Variants in LARP1B observed in about 807,000 individuals in gnomAD.
The protein encoded by LARP1B is La ribonucleoprotein 1B, also known as la-related protein 1B.
LARP1B carries 76 observed loss-of-function variants against 114.2 expected under a neutral mutation model. The ratio of observed to expected loss-of-function variants is 0.67; its 90% CI spans 0.55 to 0.81. The LOEUF is 0.81. Among genes scored for constraint, LARP1B ranks in the 30% least tolerant of loss-of-function variants. LARP1B has a pLI of 0.00. For synonymous variants in LARP1B, 345 were observed against 348.0 expected (o/e 0.99, Z 0.10); for missense variants, 1,014 against 1,075.8 (o/e 0.94, Z 0.80).
intron 11 of LARP1B, among the ~76,000 whole-genome samples, chr4:128,150,181 G>C (rs957417234): frequency 1.3e-5 from 2 of 151,812 alleles, no homozygotes; most frequent in South Asian, 4.2e-4. Context: ...CAACAAAAAA[G>C]GTGTGGTTAT....
rs377102754 is a variant in LARP1B, at chr4:128,122,438, G to GTTTTTTTTTTTTTTTTTTTTTTTTT, written c.1524+265_1524+266insTTTTTTTTTTTTTTTTTTTTTTTTT. On this transcript the variant is annotated intron_variant, in intron 11 of 19. Transcript: ENST00000326639. Reference sequence around the variant, plus strand: ...TTAGTACTCACTGACTTATACCCTTGTTTTTTTTTTTTTTTGTTTTGTTTT... The same window carrying GTTTTTTTTTTTTTTTTTTTTTTTTT: ...TTAGTACTCACTGACTTATACCCTTGTTTTTTTTTTTTTTTTTTTTTTTTTTTTTTTTTTTTTTTTGTTTTGTTTT... 3.4e-6 allele frequency: 4 copies of GTTTTTTTTTTTTTTTTTTTTTTTTT among 1,189,636 alleles called. No individual in the cohort carries two copies. In the African/African-American group the frequency reaches 5.7e-5, roughly 17 times the overall value. The allele number at this position is 1,189,636 out of a possible 1,614,324, so 73.7% of individuals were successfully genotyped here.
rs559312234 is a variant in LARP1B, at chr4:128,129,164, C to CAAAAAAAAAAAAAAAAA, written c.1524+7000_1524+7016dup. Reference sequence around the variant, plus strand: ...TGGGCGACAGAGCGAGACTCTGTCTCAAAAAAAAAAAAAAAAAAAAAAAAA... The same window carrying CAAAAAAAAAAAAAAAAA: ...TGGGCGACAGAGCGAGACTCTGTCTCAAAAAAAAAAAAAAAAAAAAAAAAAAAAAAAAAAAAAAAAAA... On this transcript the variant is annotated intron_variant, in intron 11 of 19. Coordinates refer to ENST00000326639, the MANE Select transcript of LARP1B (RefSeq NM_018078.4). Among the ~76,000 whole-genome samples the CAAAAAAAAAAAAAAAAA allele has an allele frequency of 6.1e-5, 3 of 49,142 alleles. 1 individual carries two copies. The highest frequency in any genetic ancestry group is 2.9e-4 in the African/African-American group (3 of 10,316). 32.2% of individuals were successfully genotyped at this position (49,142 alleles called of 152,430 possible). A position where few individuals can be genotyped will look rare whatever the true frequency, so the allele number is the denominator to read the frequency against.
At chr4:128,096,098 A>G (rs940216471) in intron 7 of LARP1B, among the ~76,000 whole-genome samples, 1 of 147,708 alleles carries the variant, frequency 6.8e-6, no homozygotes, top group Non-Finnish European at 1.5e-5. Flanking sequence ...GGTTCACACC[A>G]TTCTCCTGCC....
At chr4:128,196,292 G>T (rs1368241689) in intron 15 of LARP1B, among the ~76,000 whole-genome samples, 1 of 148,454 alleles carries the variant, frequency 6.7e-6, no homozygotes, top group Non-Finnish European at 1.5e-5. Context: ...AAAAGAAAAG[G>T]GAAAAAAAAA....
intron 9 of LARP1B, among the ~76,000 whole-genome samples, chr4:128,110,301 A>G (rs186403748): frequency 6.6e-6 from 1 of 152,020 alleles, no homozygotes; most frequent in Non-Finnish European, 1.5e-5. Context: ...TTTTGTTTCT[A>G]AGTAGTTTAA....
intron 8 of LARP1B, among the ~76,000 whole-genome samples, chr4:128,105,015 T>C (rs577151928): frequency 5.3e-5 from 8 of 152,276 alleles, no homozygotes; most frequent in African/African-American, 1.9e-4. Flanking sequence ...TAGCAGTCTT[T>C]TTCCACAACT....
At chr4:128,089,804 T>G (rs1409536662) in intron 5 of LARP1B, among the ~76,000 whole-genome samples, 4 of 152,014 alleles carry the variant, frequency 2.6e-5, no homozygotes, top group Admixed American at 2.6e-4. Context: ...CGGAGTCTTG[T>G]TCTATGCCCA....
At chr4:128,112,481 T>TC (rs1784460341) in intron 9 of LARP1B, among the ~76,000 whole-genome samples, 1 of 140,770 alleles carries the variant, frequency 7.1e-6, no homozygotes, top group East Asian at 2.0e-4. Flanking sequence ...TTTTTTTTTT[T>TC]TTTTTTTTTT....
intron 1 of LARP1B, among the ~76,000 whole-genome samples, chr4:128,065,330 T>TC (rs1553982927): frequency 0.049 from 4,892 of 99,166 alleles, 357 homozygotes; most frequent in South Asian, 0.13. Flanking sequence ...TCTCTCTCTC[T>TC]CTTTCCTTTC....
In LARP1B at chr4:128,124,725, C is replaced by T. The variant is rs573483473; in HGVS notation, c.1524+2537C>T. On this transcript the variant is annotated intron_variant, in intron 11 of 19. Transcript: ENST00000326639. ...CTGTCCATATAGAAGATGAATTGGT[C>T]GGCCAAGACAAACAGGTGGCAGAGG... is the stretch of plus-strand genomic sequence containing the variant. Among the ~76,000 whole-genome samples, 17 of 152,162 alleles carry T rather than the reference C, an allele frequency of 1.1e-4. No homozygotes were observed. In the South Asian group the frequency reaches 1.7e-3, roughly 15 times the overall value.
intron 11 of LARP1B, among the ~76,000 whole-genome samples, chr4:128,133,643 C>T (rs907414759): frequency 3.9e-5 from 6 of 152,338 alleles, no homozygotes; most frequent in Non-Finnish European, 5.9e-5. Flanking sequence ...GACAGACATA[C>T]GGACCAATTG....
chr4:128,154,008 A>G (rs1326456945), intron 11 of LARP1B, among the ~76,000 whole-genome samples: 2 of 152,106 alleles, frequency 1.3e-5, no homozygotes, highest in Non-Finnish European at 2.9e-5. Context: ...TCATCTCTCT[A>G]TAGAAGTTTT....
chr4:128,068,365 C>T (rs567223915), intron 1 of LARP1B, among the ~76,000 whole-genome samples: 6 of 150,988 alleles, frequency 4.0e-5, no homozygotes, highest in African/African-American at 9.7e-5. Context: ...CCCAGGCTAG[C>T]GTAGGAGTAC....
chr4:128,088,910 G>A (rs141486555), intron 5 of LARP1B, among the ~76,000 whole-genome samples: 1 of 152,178 alleles, frequency 6.6e-6, no homozygotes, highest in Non-Finnish European at 1.5e-5. Flanking sequence ...GATCGCTTGA[G>A]CTCAGGAGTT....
chr4:128,206,641 A>G (rs988042212), intron 18 of LARP1B, 104 bp downstream of exon 18: 4 of 1,454,324 alleles, frequency 2.8e-6, no homozygotes, highest in African/African-American at 1.4e-5. Context: ...AGGGCAAACC[A>G]TTTAAGATCT....
At chr4:128,114,485 C>A in intron 9 of LARP1B, 85 bp from the exon 10 acceptor site, 1 of 996,778 alleles carries the variant, frequency 1.0e-6, no homozygotes, top group Non-Finnish European at 1.5e-6. Flanking sequence ...AAATATCAAG[C>A]CCCAGTTAAG....
chr4:128,220,788 G>A (rs1491000992), intron 7 of LARP1B, among the ~76,000 whole-genome samples: 1 of 152,174 alleles, frequency 6.6e-6, no homozygotes, highest in African/African-American at 2.4e-5. Flanking sequence ...CCTAAGCCAT[G>A]TAGTTAAGTC....
chr4:128,061,823 G>A, intron 1 of LARP1B: 4 of 984,994 alleles, frequency 4.1e-6, no homozygotes, highest in South Asian at 4.7e-5. Flanking sequence ...CGAATGTGAG[G>A]GCAAAGAGGC....
chr4:128,068,810 A>G (rs1189926237), intron 1 of LARP1B, among the ~76,000 whole-genome samples: 1 of 152,058 alleles, frequency 6.6e-6, no homozygotes, highest in African/African-American at 2.4e-5. Flanking sequence ...AGATAAAGCA[A>G]AGACAAAAAA....
Sources: gnomAD v4.1 joint callset for allele counts (sites outside exome capture counted in the v4.1 genomes callset) on GRCh38, gnomAD v4.1.1 for gene constraint, MANE v1.5 for transcripts, NCBI Gene and HGNC (gene_info 2026-07-23, HGNC 2026-07-21) for gene names.